Variants in MAML3 observed in about 807,000 individuals in gnomAD.
MAML3 encodes the protein mastermind-like protein 3.
In MAML3, 27 loss-of-function variants were observed where a neutral mutation model predicts 101.9. The ratio of observed to expected loss-of-function variants is 0.27; its 90% CI spans 0.20 to 0.37. The LOEUF is 0.37. MAML3 is among the 10% of genes least tolerant of loss of function. The probability of loss-of-function intolerance (pLI) is 1.00; values close to 1 mark genes in which losing one functional copy is unlikely to be tolerated. For synonymous variants in MAML3, 501 were observed against 555.9 expected (o/e 0.90, Z 1.39); for missense variants, 1,316 against 1,444.9 (o/e 0.91, Z 1.45).
At chr4:139,852,427 T>TTTTTTTTTTTTTTTTTG (rs1731576481) in intron 2 of MAML3, among the ~76,000 whole-genome samples, 1 of 143,880 alleles carries the variant, frequency 7.0e-6, no homozygotes, top group African/African-American at 2.7e-5. Context: ...TTTTTTTTTT[T>TTTTTTTTTTTTTTTTTG]TTTGAGACAG....
intron 1 of MAML3, among the ~76,000 whole-genome samples, chr4:139,910,840 C>T (rs4863705): frequency 0.04 from 6,060 of 152,022 alleles, 230 homozygotes; most frequent in Admixed American, 0.12. Flanking sequence ...TTGGAAAGTC[C>T]GAGAAGTATA....
chr4:139,730,709 G>A (rs1222176652), intron 2 of MAML3, 42 bp from the exon 3 acceptor site: 1 of 1,557,430 alleles, frequency 6.4e-7, no homozygotes, highest in Non-Finnish European at 8.8e-7. Flanking sequence ...ATTCCCCATA[G>A]AGACTCACTG....
intron 2 of MAML3, among the ~76,000 whole-genome samples, chr4:139,790,079 C>G (rs570011722): frequency 6.6e-6 from 1 of 151,708 alleles, no homozygotes. Flanking sequence ...TCTCTCAGGA[C>G]CCAGGACCAA....
chr4:139,994,540 G>T (rs1384286923), intron 1 of MAML3, among the ~76,000 whole-genome samples: 1 of 152,054 alleles, frequency 6.6e-6, no homozygotes, highest in Non-Finnish European at 1.5e-5. Flanking sequence ...CATGCCTGAA[G>T]TTCTAGGTAC....
chr4:139,864,941 T>TTG (rs1560818230), intron 2 of MAML3, among the ~76,000 whole-genome samples: 2 of 144,810 alleles, frequency 1.4e-5, no homozygotes, highest in Admixed American at 6.9e-5. Context: ...TTTTTTTTTT[T>TTG]TTTTTTTTTT....
At chr4:139,961,016 CTCAGATGT>C in intron 1 of MAML3, among the ~76,000 whole-genome samples, 1 of 152,296 alleles carries the variant, frequency 6.6e-6, no homozygotes, top group Non-Finnish European at 1.5e-5. Flanking sequence ...ATGGAGCCTT[CTCAGATGT>C]GCTTACGTCA....
Position 140,003,867 on chromosome 4 carries a change from C to T in MAML3, c.469-112900G>A, listed in dbSNP as rs555901190. ...CTGCCCCAGGTATATGATTTCCATA[C>T]GTGAAGTGCTTTAAGTTCCCACAAG... On this transcript the variant is annotated intron_variant, in intron 1 of 4. Transcript: ENST00000509479. Among the ~76,000 whole-genome samples, 14 of 152,302 alleles carry T rather than the reference C, an allele frequency of 9.2e-5. No individual in the cohort carries two copies. In the South Asian group the frequency reaches 1.7e-3, roughly 18 times the overall value.
At chr4:139,771,106 G>GT (rs1729969816) in intron 2 of MAML3, among the ~76,000 whole-genome samples, 1 of 152,184 alleles carries the variant, frequency 6.6e-6, no homozygotes, top group African/African-American at 2.4e-5. Context: ...ATCCATTCAT[G>GT]AAGTCTTTAC....
At chr4:139,730,762 G>C in intron 2 of MAML3, 95 bp from the exon 3 acceptor site, 1 of 1,183,474 alleles carries the variant, frequency 8.4e-7, no homozygotes, top group Non-Finnish European at 1.2e-6. Flanking sequence ...CGGGGCAGAA[G>C]TCCCAGCTTA....
intron 1 of MAML3, among the ~76,000 whole-genome samples, chr4:140,025,138 T>C (rs142500989): frequency 1.5e-3 from 233 of 152,336 alleles, no homozygotes; most frequent in African/African-American, 5.1e-3. Flanking sequence ...GGGATCCTGA[T>C]TGACACAAAC....
chr4:139,930,203 G>A (rs987208146), intron 1 of MAML3, among the ~76,000 whole-genome samples: 6 of 152,154 alleles, frequency 3.9e-5, no homozygotes, highest in African/African-American at 1.2e-4. Flanking sequence ...AAAGTACCAC[G>A]TGGAAGATGG....
chr4:140,104,393 TATTATATA>T (rs1560894707), intron 1 of MAML3, among the ~76,000 whole-genome samples: 4 of 56,938 alleles, frequency 7.0e-5, no homozygotes, highest in Admixed American at 2.5e-4. Flanking sequence ...ATATATTATA[TATTATATA>T]ATATATAATA....
At chr4:139,793,802 C>T (rs1046383125) in intron 2 of MAML3, among the ~76,000 whole-genome samples, 1 of 152,170 alleles carries the variant, frequency 6.6e-6, no homozygotes, top group African/African-American at 2.4e-5. Flanking sequence ...GTTAGATCAG[C>T]AAACATCTAT....
Position 139,890,083 on chromosome 4 carries a change from C to A in MAML3, c.1353G>T (p.Ala451=). 1.9e-6 allele frequency: 3 copies of A among 1,612,608 alleles called. No homozygotes were observed. The highest frequency in any genetic ancestry group is 2.5e-6 in the Non-Finnish European group (3 of 1,179,240). ...NPAAVTVAGS[A]SGPVAVPSSD... is the part of the protein sequence containing the mutation. ...AGCTGGGCACAGCCACAGGCCCTGA[C>A]GCTGAACCGGCCACTGTCACTGCTG... The change falls in exon 2 of 5, where the codon GCG becomes GCT. Residue 451 remains alanine, a synonymous_variant. Transcript: ENST00000509479. This position sits in a 1 kb window ranked among gnomAD's most constrained non-coding sequence, Gnocchi z 4.1.
chr4:139,725,833 C>A lies in MAML3; in HGVS notation c.2334G>T (p.Gln778His). Residue 778 changes from glutamine (Q) to histidine (H), a missense_variant and splice_region_variant, in exon 4 of 5, where the codon CAG becomes CAT. By Grantham distance (24) the Gln-to-His change is conservative (BLOSUM62 0). Transcript: ENST00000509479. ...GCCGGGGTAGATGTGATTGCTGCAA[C>A]TGCTAGAACAACAGAACACAAGAGG... ...QQQQQILAEQ[Q>H]LQQSHLPRQH... The A allele has an allele frequency of 1.2e-6, 2 of 1,613,814 alleles. No homozygotes were observed. Among genetic ancestry groups the A allele is most frequent in the East Asian group, 4.5e-5 (2 of 44,876 alleles).
At chr4:140,115,331 C>T (rs781007783) in intron 1 of MAML3, among the ~76,000 whole-genome samples, 6 of 152,186 alleles carry the variant, frequency 3.9e-5, no homozygotes, top group Admixed American at 6.5e-5. Flanking sequence ...AACACAAATG[C>T]TTTCACTCTC....
chr4:140,112,713 G>C (rs1316525890), intron 1 of MAML3, among the ~76,000 whole-genome samples: 2 of 152,230 alleles, frequency 1.3e-5, no homozygotes, highest in East Asian at 3.8e-4. Flanking sequence ...TTCAGAACCA[G>C]TAGAGCTTGC....
At chr4:139,807,285 T>TTGTG (rs35966760) in intron 2 of MAML3, among the ~76,000 whole-genome samples, 9,288 of 150,934 alleles carry the variant, frequency 0.062, 425 homozygotes, top group Non-Finnish European at 0.085. Context: ...CGCTATTATT[T>TTGTG]TGTGTGTGTG....
chr4:140,011,303 A>G (rs1726556242), intron 1 of MAML3, among the ~76,000 whole-genome samples: 1 of 145,174 alleles, frequency 6.9e-6, no homozygotes, highest in African/African-American at 2.5e-5. Flanking sequence ...CAAACAGAGA[A>G]AAGACATTGA....
Sources: gnomAD v4.1 joint callset for allele counts (sites outside exome capture counted in the v4.1 genomes callset) on GRCh38, gnomAD v4.1.1 for gene constraint, Gnocchi (gnomAD v3.1) non-coding constraint, MANE v1.5 for transcripts, NCBI Gene and HGNC (gene_info 2026-07-23, HGNC 2026-07-21) for gene names.